TTC28: variants seen among roughly 807,000 people sequenced by gnomAD.
TTC28 encodes tetratricopeptide repeat protein 28.
Under a neutral mutation model 198.0 loss-of-function variants are expected in TTC28, and 61 were observed. The ratio of observed to expected loss-of-function variants is 0.31; its 90% CI spans 0.25 to 0.38. The LOEUF (loss-of-function observed/expected upper bound fraction) is 0.38. Ranked by LOEUF, TTC28 falls within the 10% of genes least tolerant of loss-of-function variation. The pLI, the probability that TTC28 is intolerant of heterozygous loss-of-function variation, is 1.00. For synonymous variants in TTC28, 1,171 were observed against 1,297.8 expected (o/e 0.90, Z 2.10); for missense variants, 2,678 against 3,164.0 (o/e 0.85, Z 3.69).
At chr22:28,575,089 G>A (rs1429587551) in intron 2 of TTC28, among the ~76,000 whole-genome samples, 1 of 152,128 alleles carries the variant, frequency 6.6e-6, no homozygotes, top group Non-Finnish European at 1.5e-5. Context: ...TATTACTGAA[G>A]AAATATTTGC....
At chr22:28,593,512 GGTAA>G (rs911822071) in intron 2 of TTC28, among the ~76,000 whole-genome samples, 37 of 144,138 alleles carry the variant, frequency 2.6e-4, no homozygotes, top group African/African-American at 7.4e-4. Context: ...TAGGTAGGTA[GGTAA>G]GTAGGTGGAT....
chr22:28,348,375 G>A (rs934130439), intron 2 of TTC28, among the ~76,000 whole-genome samples: 17 of 152,226 alleles, frequency 1.1e-4, no homozygotes, highest in Middle Eastern at 3.4e-3. Flanking sequence ...GCTCTCAGAG[G>A]GTACTATGTG....
chr22:28,021,354 C>T (rs1938587663), intron 13 of TTC28, among the ~76,000 whole-genome samples: 1 of 152,194 alleles, frequency 6.6e-6, no homozygotes, highest in African/African-American at 2.4e-5. Flanking sequence ...GAGGCAGCCA[C>T]TACCGTGGGG....
chr22:28,575,965 T>C (rs1343673087), intron 2 of TTC28, among the ~76,000 whole-genome samples: 1 of 152,154 alleles, frequency 6.6e-6, no homozygotes, highest in Non-Finnish European at 1.5e-5. Flanking sequence ...TTTGACTTAT[T>C]CCTTTCCAAT....
chr22:28,543,648 G>C (rs759883151), intron 2 of TTC28, among the ~76,000 whole-genome samples: 6 of 152,064 alleles, frequency 3.9e-5, no homozygotes, highest in Non-Finnish European at 7.4e-5. Flanking sequence ...GGCCCAGACA[G>C]CTTCACTGGA....
intron 2 of TTC28, among the ~76,000 whole-genome samples, chr22:28,452,389 CAAAAAAAAAAAAAA>C (rs71194768): frequency 5.3e-4 from 23 of 43,242 alleles, no homozygotes; most frequent in South Asian, 1.3e-3. Flanking sequence ...GATTCCATCT[CAAAAAAAAAAAAAA>C]AAAAAAAAAA....
intron 14 of TTC28, among the ~76,000 whole-genome samples, chr22:28,012,889 C>T (rs904775987): frequency 1.3e-5 from 2 of 152,124 alleles, no homozygotes; most frequent in African/African-American, 4.8e-5. Context: ...AATGAGGAAA[C>T]AGATACTCCA....
chr22:28,164,187 C>T (rs1921597856), intron 5 of TTC28, among the ~76,000 whole-genome samples: 2 of 152,338 alleles, frequency 1.3e-5, no homozygotes, highest in South Asian at 4.1e-4. Context: ...TCAAAGAGGC[C>T]TGCCTGCTTC....
rs151024012 is a variant in TTC28, at chr22:28,351,092, A to C, written c.382-44449T>G. Among the ~76,000 whole-genome samples, 1,144 of 152,032 alleles carry C rather than the reference A, an allele frequency of 7.5e-3. 24 individuals carry two copies. Among genetic ancestry groups the C allele is most frequent in the African/African-American group, 0.026 (1,097 of 41,478 alleles). ...CAGCTACTTGGGAGACTGAGGCAGG[A>C]GGATGGCATGAACCCGGGAGCGGAG... On this transcript the variant is annotated intron_variant, in intron 2 of 22. Coordinates refer to ENST00000397906, the MANE Select transcript of TTC28 (RefSeq NM_001145418.2).
intron 2 of TTC28, among the ~76,000 whole-genome samples, chr22:28,574,003 C>T (rs758199983): frequency 6.6e-5 from 10 of 152,010 alleles, no homozygotes; most frequent in Non-Finnish European, 1.0e-4. Flanking sequence ...GTCCTATTCA[C>T]GTTGTTGCAA....
At chr22:28,551,789 T>C (rs1274695615) in intron 2 of TTC28, among the ~76,000 whole-genome samples, 1 of 152,106 alleles carries the variant, frequency 6.6e-6, no homozygotes, top group Non-Finnish European at 1.5e-5. Flanking sequence ...CAAAGAAAAC[T>C]TGAAAGCATT....
At position 28,103,274 on chromosome 22, in the gene TTC28, C is replaced by T. The variant is rs558907452; in HGVS notation, c.3308-1994G>A. The stretch of plus-strand genomic sequence containing the variant: ...CCAGGAAAGTCACCAAATTGATCCA[C>T]GCTCCCTTTCTTCATTTGCAAGAAG... On this transcript the variant is annotated intron_variant, in intron 8 of 22. Coordinates refer to ENST00000397906, the MANE Select transcript of TTC28 (RefSeq NM_001145418.2). 5.3e-5 allele frequency among the ~76,000 whole-genome samples: 8 copies of T among 152,310 alleles called. No individual in the cohort carries two copies. The East Asian group carries it at 7.7e-4, about 15-fold the overall frequency.
At chr22:28,515,658 C>T (rs887610206) in intron 2 of TTC28, among the ~76,000 whole-genome samples, 1 of 151,872 alleles carries the variant, frequency 6.6e-6, no homozygotes. Flanking sequence ...TTCATTTAGC[C>T]CTTCTCACAT....
chr22:28,505,549 C>T (rs1219182158), intron 2 of TTC28, among the ~76,000 whole-genome samples: 1 of 152,166 alleles, frequency 6.6e-6, no homozygotes, highest in Non-Finnish European at 1.5e-5. Context: ...CACACTTCTC[C>T]CATGAATCTT....
At chr22:28,091,797 A>G (rs1424328445) in intron 12 of TTC28, among the ~76,000 whole-genome samples, 1 of 152,244 alleles carries the variant, frequency 6.6e-6, no homozygotes, top group Non-Finnish European at 1.5e-5. Flanking sequence ...ACTGAAAAAG[A>G]GTAAACAACA....
At chr22:28,429,912 A>G (rs1225183573) in intron 2 of TTC28, among the ~76,000 whole-genome samples, 1 of 152,070 alleles carries the variant, frequency 6.6e-6, no homozygotes. Context: ...GACTCTTTTC[A>G]CCATCCAGAC....
intron 13 of TTC28, among the ~76,000 whole-genome samples, chr22:28,020,061 A>G (rs570551719): frequency 6.6e-6 from 1 of 152,332 alleles, no homozygotes; most frequent in African/African-American, 2.4e-5. Flanking sequence ...CCAGGCTGGT[A>G]GGGCATCAGG....
At chr22:28,148,169 T>C (rs985856788) in intron 6 of TTC28, among the ~76,000 whole-genome samples, 4 of 152,224 alleles carry the variant, frequency 2.6e-5, no homozygotes, top group African/African-American at 9.6e-5. Flanking sequence ...CAAAGGACCA[T>C]GTAAAGGAGG....
At chr22:28,349,968 T>C (rs931547671) in intron 2 of TTC28, among the ~76,000 whole-genome samples, 9 of 152,184 alleles carry the variant, frequency 5.9e-5, no homozygotes, top group African/African-American at 1.7e-4. Flanking sequence ...GAGATAGTAA[T>C]GTACAAAACT....
Sources: gnomAD v4.1 joint callset for allele counts (sites outside exome capture counted in the v4.1 genomes callset) on GRCh38, gnomAD v4.1.1 for gene constraint, MANE v1.5 for transcripts, NCBI Gene and HGNC (gene_info 2026-07-23, HGNC 2026-07-21) for gene names.